Variants in INPP5A observed in about 807,000 individuals in gnomAD.
INPP5A encodes the protein 43 kDa inositol polyphosphate 5-phophatase.
A neutral mutation model predicts 65.2 loss-of-function variants in INPP5A; 14 were observed. The ratio of observed to expected loss-of-function variants is 0.21; its 90% CI spans 0.14 to 0.34. The LOEUF (loss-of-function observed/expected upper bound fraction) is 0.34. Ranked by LOEUF, INPP5A falls within the 10% of genes least tolerant of loss-of-function variation. The probability of loss-of-function intolerance (pLI) is 1.00; values close to 1 mark genes in which losing one functional copy is unlikely to be tolerated. For synonymous variants in INPP5A, 207 were observed against 208.3 expected (o/e 0.99, Z 0.05); for missense variants, 431 against 545.6 (o/e 0.79, Z 2.09).
Position 132,621,772 on chromosome 10 carries a change from A to AG in INPP5A, c.117+13822dup, listed in dbSNP as rs144272708. ...GGAATTACCTTGTGGGAAAATCGTG[A>AG]GGGGGGTATGTCTTTTTTTTTTTTT... On this transcript the variant is annotated intron_variant, in intron 2 of 15. Coordinates refer to ENST00000368594, the MANE Select transcript of INPP5A (RefSeq NM_005539.5). 8.1e-3 allele frequency among the ~76,000 whole-genome samples: 1,200 copies of AG among 147,536 alleles called. 15 individuals carry two copies. The highest frequency in any genetic ancestry group is 0.029 in the African/African-American group (1,148 of 40,228).
At chr10:132,766,311 A>T (rs1474509387) in intron 12 of INPP5A, among the ~76,000 whole-genome samples, 1 of 152,262 alleles carries the variant, frequency 6.6e-6, no homozygotes, top group African/African-American at 2.4e-5. Context: ...TTTCCAAAAA[A>T]GGTTTTTTCC....
chr10:132,672,985 T>C (rs1439291434), intron 4 of INPP5A, among the ~76,000 whole-genome samples: 4 of 152,234 alleles, frequency 2.6e-5, no homozygotes, highest in Admixed American at 1.3e-4. Flanking sequence ...TGGGCTGTTG[T>C]AGTTTCCCGT....
intron 4 of INPP5A, among the ~76,000 whole-genome samples, chr10:132,681,450 A>G (rs1447742655): frequency 6.6e-6 from 1 of 152,196 alleles, no homozygotes; most frequent in Non-Finnish European, 1.5e-5. Context: ...CACCAGAAGG[A>G]AGAAACTCCG....
intron 2 of INPP5A, among the ~76,000 whole-genome samples, chr10:132,622,295 A>C (rs965804513): frequency 1.3e-5 from 2 of 151,262 alleles, no homozygotes; most frequent in Non-Finnish European, 1.5e-5. Flanking sequence ...CTGACATGTT[A>C]GAACTTGAGA....
At chr10:132,737,155 C>T (rs2134608388) in intron 9 of INPP5A, among the ~76,000 whole-genome samples, 1 of 152,308 alleles carries the variant, frequency 6.6e-6, no homozygotes, top group South Asian at 2.1e-4. Context: ...CGCAGCCCTC[C>T]AAAGCCCTGC....
rs765384857 is a variant in INPP5A at position 132,782,034 on chromosome 10, C to T, written c.*8-3C>T. On this transcript the variant is annotated splice_region_variant and splice_polypyrimidine_tract_variant and intron_variant, in intron 15 of 15. Transcript: ENST00000368594. The surrounding 1 kb of genome is among the most constrained non-coding windows in gnomAD (Gnocchi z 4.4). Reference sequence around the variant, plus strand: ...CTTTAACAAATTACGAATTCCGTGACAGGGAAGAGATGCCAGCGCCACGAG... The same window carrying T: ...CTTTAACAAATTACGAATTCCGTGATAGGGAAGAGATGCCAGCGCCACGAG... The T allele has an allele frequency of 2.5e-6, 4 of 1,598,722 alleles. No homozygotes were observed. The South Asian group carries it at 4.5e-5, about 18-fold the overall frequency.
chr10:132,671,034 C>G (rs936046701), intron 4 of INPP5A, among the ~76,000 whole-genome samples: 1 of 151,884 alleles, frequency 6.6e-6, no homozygotes, highest in Non-Finnish European at 1.5e-5. Context: ...TGTCTTTTCC[C>G]GTAAGGGTTG....
chr10:132,778,716 C>A (rs1847105800), intron 13 of INPP5A, among the ~76,000 whole-genome samples: 2 of 152,102 alleles, frequency 1.3e-5, no homozygotes, highest in South Asian at 2.1e-4. Context: ...GCTCTGCCCC[C>A]TCTCCACTGT....
rs922674371 is a variant in INPP5A at position 132,698,234 on chromosome 10, G to A, written c.474+315G>A. The stretch of plus-strand genomic sequence containing the variant: ...CCTTGGCGTGCACCTGGGGTCTCCC[G>A]CACGCCCAGCTGGGAGAGGGTCAGG... On this transcript the variant is annotated intron_variant, in intron 6 of 15. Coordinates refer to ENST00000368594, the MANE Select transcript of INPP5A (RefSeq NM_005539.5). The surrounding 1 kb of genome is among the most constrained non-coding windows in gnomAD (Gnocchi z 5.5). Among the ~76,000 whole-genome samples, 2 of 152,316 alleles carry A rather than the reference G, an allele frequency of 1.3e-5. No individual in the cohort carries two copies. The highest frequency in any genetic ancestry group is 2.1e-4 in the South Asian group (1 of 4,820).
intron 9 of INPP5A, among the ~76,000 whole-genome samples, chr10:132,729,559 C>T (rs1018814919): frequency 1.3e-5 from 2 of 152,208 alleles, no homozygotes; most frequent in African/African-American, 4.8e-5. Context: ...TGGGACCTGC[C>T]TGAGTTTTAC....
At chr10:132,771,283 C>T (rs1231304244) in intron 12 of INPP5A, among the ~76,000 whole-genome samples, 1 of 152,202 alleles carries the variant, frequency 6.6e-6, no homozygotes, top group East Asian at 1.9e-4. Context: ...TGGGGTTCAA[C>T]ACAAGGAATC....
In INPP5A at chr10:132,616,342, C is replaced by T. The variant is rs1405400675; in HGVS notation, c.117+8386C>T. Among the ~76,000 whole-genome samples the T allele has an allele frequency of 2.0e-5, 3 of 151,246 alleles. No individual in the cohort carries two copies. Among genetic ancestry groups the T allele is most frequent in the South Asian group, 4.2e-4 (2 of 4,764 alleles). On this transcript the variant is annotated intron_variant, in intron 2 of 15. Coordinates refer to ENST00000368594, the MANE Select transcript of INPP5A (RefSeq NM_005539.5). The surrounding 1 kb of genome is among the most constrained non-coding windows in gnomAD (Gnocchi z 4.9). ...ATGTGGCGTGCAGGGACGCCGTGGG[C>T]GTGGTGTGGGGCACGTGGCGTGCGG...
At position 132,698,645 on chromosome 10, in the gene INPP5A, G is replaced by A. The variant is rs1564970102; in HGVS notation, c.474+726G>A. Among the ~76,000 whole-genome samples the A allele has an allele frequency of 6.6e-6, 1 of 152,214 alleles. No individual in the cohort carries two copies. Among genetic ancestry groups the A allele is most frequent in the Non-Finnish European group, 1.5e-5 (1 of 68,044 alleles). ...TTTGCTGCTTTGCCCTTCCTCATCTGCTGAATCACAGTGGGGTGCAGGCAC... is the reference window on the plus strand; with the variant it reads ...TTTGCTGCTTTGCCCTTCCTCATCTACTGAATCACAGTGGGGTGCAGGCAC... On this transcript the variant is annotated intron_variant, in intron 6 of 15. Coordinates refer to ENST00000368594, the MANE Select transcript of INPP5A (RefSeq NM_005539.5). This position sits in a 1 kb window ranked among gnomAD's most constrained non-coding sequence, Gnocchi z 5.5.
At chr10:132,656,753 G>A (rs2072662019) in intron 4 of INPP5A, among the ~76,000 whole-genome samples, 1 of 152,226 alleles carries the variant, frequency 6.6e-6, no homozygotes, top group African/African-American at 2.4e-5. Flanking sequence ...ACATGCAGCA[G>A]CTGGAGACAG....
intron 2 of INPP5A, among the ~76,000 whole-genome samples, chr10:132,609,130 T>C (rs968364707): frequency 6.6e-6 from 1 of 152,274 alleles, no homozygotes; most frequent in African/African-American, 2.4e-5. Context: ...AAGCCATTGT[T>C]CTACAGGGAC....
chr10:132,613,713 C>T (rs542277848), intron 2 of INPP5A, among the ~76,000 whole-genome samples: 53 of 152,296 alleles, frequency 3.5e-4, no homozygotes, highest in African/African-American at 1.2e-3. Context: ...GCCAGTTCAG[C>T]GGCTGCACTG....
At chr10:132,580,282 G>A (rs1025960317) in intron 1 of INPP5A, among the ~76,000 whole-genome samples, 6 of 152,174 alleles carry the variant, frequency 3.9e-5, no homozygotes, top group African/African-American at 1.4e-4. Context: ...TGGATCCTGG[G>A]GGCCGATTTC....
Position 132,755,155 on chromosome 10 carries a change from A to G in INPP5A, c.903+5310A>G, listed in dbSNP as rs116104182. Reference sequence around the variant, plus strand: ...TGTGTCAGCATGTGTGAGCAAGCATATGCATATGAGCGTGTGTGAGCATGT... The same window carrying G: ...TGTGTCAGCATGTGTGAGCAAGCATGTGCATATGAGCGTGTGTGAGCATGT... On this transcript the variant is annotated intron_variant, in intron 11 of 15. Coordinates refer to ENST00000368594, the MANE Select transcript of INPP5A (RefSeq NM_005539.5). 2.8e-3 allele frequency among the ~76,000 whole-genome samples: 420 copies of G among 151,170 alleles called. 6 individuals carry two copies. Among genetic ancestry groups the G allele is most frequent in the African/African-American group, 8.6e-3 (355 of 41,058 alleles).
chr10:132,685,694 C>T (rs767412174), intron 4 of INPP5A, among the ~76,000 whole-genome samples: 1 of 152,218 alleles, frequency 6.6e-6, no homozygotes. Flanking sequence ...GCCTTCCAGC[C>T]GGTGGCTCCG....
Sources: gnomAD v4.1 joint callset for allele counts (sites outside exome capture counted in the v4.1 genomes callset) on GRCh38, gnomAD v4.1.1 for gene constraint, Gnocchi (gnomAD v3.1) non-coding constraint, MANE v1.5 for transcripts, NCBI Gene and HGNC (gene_info 2026-07-23, HGNC 2026-07-21) for gene names.